Variants in NAA16 observed in about 807,000 individuals in gnomAD.
The protein encoded by NAA16 is NARG1-like protein.
NAA16 carries 97 observed loss-of-function variants against 110.3 expected under a neutral mutation model. That is an observed-to-expected ratio of 0.88 (90% confidence interval 0.75 to 1.04). The LOEUF (loss-of-function observed/expected upper bound fraction) is 1.04, where lower values mean the gene tolerates loss of function less well. NAA16 is among the 50% of genes least tolerant of loss of function. NAA16 has a pLI of 0.00. For missense variants in NAA16, 1,017 were observed against 1,005.1 expected, an observed-to-expected ratio of 1.01 and a Z score of -0.16; for synonymous variants, 372 against 330.6, an observed-to-expected ratio of 1.13 and a Z score of -1.36.
At chr13:41,362,811 G>A (rs917802379) in intron 13 of NAA16, 26 of 1,289,496 alleles carry the variant, frequency 2.0e-5, no homozygotes, top group Non-Finnish European at 2.6e-5. Flanking sequence ...CCTCAGTTGT[G>A]GGGGCAATCG....
In NAA16 at chr13:41,358,454, T is replaced by C. The variant is rs766967572; in HGVS notation, c.1238T>C (p.Met413Thr). ...CCAACTCTAATAGAATTATTCTATA[T>C]GAAAGCAAAAATTTACAAGGTAAAA... ...STPTLIELFY[M>T]KAKIYKHIGN... Residue 413 changes from methionine (M) to threonine (T), a missense_variant, in exon 11 of 20, where the codon ATG becomes ACG. Transcript: ENST00000379406. 6.2e-7 allele frequency: 1 copy of C among 1,613,364 alleles called. No individual in the cohort carries two copies. The highest frequency in any genetic ancestry group is 2.2e-5 in the East Asian group (1 of 44,850).
intron 9 of NAA16, among the ~76,000 whole-genome samples, chr13:41,351,532 G>A (rs116780685): frequency 6.6e-6 from 1 of 152,222 alleles, no homozygotes; most frequent in Non-Finnish European, 1.5e-5. Flanking sequence ...AATGTGTATC[G>A]GTTATGATGT....
intron 13 of NAA16, among the ~76,000 whole-genome samples, chr13:41,364,684 CTT>C (rs71682834): frequency 0.086 from 13,103 of 152,108 alleles, 648 homozygotes; most frequent in East Asian, 0.2. Flanking sequence ...ATTTCTAACT[CTT>C]TGATAAGACC....
intron 16 of NAA16, 54 bp from the exon 17 acceptor site, chr13:41,372,678 G>A (rs1032520496): frequency 6.1e-6 from 9 of 1,468,026 alleles, no homozygotes; most frequent in African/African-American, 1.4e-5. Flanking sequence ...AATAAAGTGA[G>A]GAAAATACTG....
At chr13:41,315,689 C>G (rs2041790265) in intron 1 of NAA16, among the ~76,000 whole-genome samples, 1 of 152,146 alleles carries the variant, frequency 6.6e-6, no homozygotes, top group South Asian at 2.1e-4. Context: ...CGTGCACACA[C>G]CCATGCACTT....
chr13:41,375,663 C>A lies in NAA16; in HGVS notation c.*61C>A. ...CTGAATTGAGATCAGGGTTTCTTTT[C>A]CAGGGTGCATTTTAATATACGTATG... On this transcript the variant is annotated 3_prime_UTR_variant, in exon 20 of 20. Transcript: ENST00000379406. 1.5e-6 allele frequency: 2 copies of A among 1,310,156 alleles called. No individual in the cohort carries two copies. Among genetic ancestry groups the A allele is most frequent in the Non-Finnish European group, 2.1e-6 (2 of 954,014 alleles). The allele number at this position is 1,310,156 out of a possible 1,614,324, so 81.2% of individuals were successfully genotyped here. A position where few individuals can be genotyped will look rare whatever the true frequency, so the allele number is the denominator to read the frequency against.
At chr13:41,360,016 A>G (rs2043080371) in intron 12 of NAA16, among the ~76,000 whole-genome samples, 2 of 152,278 alleles carry the variant, frequency 1.3e-5, no homozygotes, top group South Asian at 2.1e-4. Context: ...CCACATAGTA[A>G]ATAGCACTAG....
intron 18 of NAA16, 199 bp from the exon 19 acceptor site, chr13:41,374,543 C>T (rs1229037554): frequency 8.9e-6 from 4 of 449,706 alleles, no homozygotes; most frequent in Admixed American, 3.9e-5. Context: ...ATACTCTGAT[C>T]ATGGCCTATC....
In NAA16 at chr13:41,372,742, G is replaced by C; in HGVS notation, c.2067G>C (p.Leu689=). 1 of 1,594,706 alleles carries C rather than the reference G, an allele frequency of 6.3e-7. No individual in the cohort carries two copies. Among genetic ancestry groups the C allele is most frequent in the African/African-American group, 1.3e-5 (1 of 74,562 alleles). ...TTTTTTCTGACACAGGAAAGTTTCT[G>C]TTAATGCTGCAGTCTGTCAAACGAG... The part of the protein sequence containing the change: ...FEIYFRKGKF[L]LMLQSVKRAF... Residue 689 remains leucine (L), a synonymous_variant, in exon 17 of 20, where the codon CTG becomes CTC. Transcript: ENST00000379406.
chr13:41,351,750 A>G (rs2042840134), intron 9 of NAA16, among the ~76,000 whole-genome samples: 1 of 136,242 alleles, frequency 7.3e-6, no homozygotes, highest in Non-Finnish European at 1.5e-5. Context: ...CTGAACTTGG[A>G]AAATTTTTCA....
chr13:41,356,592 A>G (rs1444947000), intron 10 of NAA16, among the ~76,000 whole-genome samples: 1 of 152,200 alleles, frequency 6.6e-6, no homozygotes, highest in Non-Finnish European at 1.5e-5. Context: ...CCCATTATCC[A>G]AAAGAAGTCT....
intron 13 of NAA16, among the ~76,000 whole-genome samples, chr13:41,364,992 A>G (rs1194418500): frequency 6.6e-6 from 1 of 152,160 alleles, no homozygotes; most frequent in African/African-American, 2.4e-5. Context: ...TAAAAACACT[A>G]CACTCTAAAG....
At chr13:41,325,979 CATT>C in intron 6 of NAA16, 128 bp downstream of exon 6, 1 of 627,134 alleles carries the variant, frequency 1.6e-6, no homozygotes, top group Non-Finnish European at 2.5e-6. Flanking sequence ...ATTATTAAGC[CATT>C]ATTAACTAGT....
intron 13 of NAA16, among the ~76,000 whole-genome samples, chr13:41,365,483 TC>T (rs554776215): frequency 9.8e-5 from 15 of 152,312 alleles, no homozygotes; most frequent in East Asian, 9.6e-4. Flanking sequence ...TTTAGTTGTT[TC>T]TATATAGTAT....
At chr13:41,328,645 T>G (rs147312400) in intron 6 of NAA16, 79 bp from the exon 7 acceptor site, 2 of 1,208,694 alleles carry the variant, frequency 1.7e-6, no homozygotes, top group African/African-American at 3.1e-5. Context: ...ATCTGTTCAC[T>G]GATAATGTTT....
chr13:41,349,125 G>A (rs1040149008), intron 9 of NAA16, among the ~76,000 whole-genome samples: 1 of 151,624 alleles, frequency 6.6e-6, no homozygotes, highest in Non-Finnish European at 1.5e-5. Context: ...TCACTTTATT[G>A]TGTCCTTTTG....
chr13:41,327,046 T>A (rs920372187), intron 6 of NAA16, among the ~76,000 whole-genome samples: 11 of 152,280 alleles, frequency 7.2e-5, no homozygotes, highest in African/African-American at 2.2e-4. Flanking sequence ...AGATTGGCTT[T>A]ATTTTTGCCA....
At chr13:41,372,035 T>G (rs1054907492) in intron 15 of NAA16, among the ~76,000 whole-genome samples, 168 bp from the exon 16 acceptor site, 1 of 152,220 alleles carries the variant, frequency 6.6e-6, no homozygotes, top group Non-Finnish European at 1.5e-5. Flanking sequence ...AAGTATTGAT[T>G]GTGTACTTTG....
rs545029589 is a variant in NAA16, at chr13:41,316,660, T to C, written c.55-186T>C. ...ATGGTCTTTTATAAAAATGAAAATA[T>C]GTAGATTTTAGAACAATTTGACAAG... On this transcript the variant is annotated intron_variant, in intron 1 of 19. Coordinates refer to ENST00000379406, the MANE Select transcript of NAA16 (RefSeq NM_024561.5). Among the ~76,000 whole-genome samples, 4 of 152,284 alleles carry C rather than the reference T, an allele frequency of 2.6e-5. No homozygotes were observed. The East Asian group carries it at 7.7e-4, about 29-fold the overall frequency.
Sources: allele counts gnomAD v4.1 joint callset (sites outside exome capture counted in the v4.1 genomes callset), GRCh38; gene constraint gnomAD v4.1.1; transcripts MANE v1.5; gene names NCBI Gene and HGNC (gene_info 2026-07-23, HGNC 2026-07-21).